Variants in SLC35F4 observed in about 807,000 individuals in gnomAD.
The protein encoded by SLC35F4 is solute carrier family 35 member F4.
SLC35F4 carries 24 observed loss-of-function variants against 44.2 expected under a neutral mutation model. The ratio of observed to expected loss-of-function variants is 0.54; its 90% CI spans 0.39 to 0.76. SLC35F4 has a LOEUF of 0.76. Ranked by LOEUF, SLC35F4 falls within the 30% of genes least tolerant of loss-of-function variation. The pLI is 0.00. For synonymous variants in SLC35F4, 238 were observed against 223.6 expected, an observed-to-expected ratio of 1.06 and a Z score of -0.57; for missense variants, 562 against 586.1, an observed-to-expected ratio of 0.96 and a Z score of 0.42.
chr14:57,616,765 G>A (rs1253106660), intron 1 of SLC35F4, among the ~76,000 whole-genome samples: 1 of 151,914 alleles, frequency 6.6e-6, no homozygotes, highest in Non-Finnish European at 1.5e-5. Flanking sequence ...TAGTTTGAGG[G>A]GTCCCTTACC....
intron 1 of SLC35F4, among the ~76,000 whole-genome samples, chr14:57,951,889 G>T (rs188482517): frequency 6.6e-6 from 1 of 152,200 alleles, no homozygotes; most frequent in African/African-American, 2.4e-5. Flanking sequence ...CTGCCTGCCA[G>T]CTCTGAAGAG....
At chr14:57,921,333 G>A (rs556181872) in intron 1 of SLC35F4, among the ~76,000 whole-genome samples, 11 of 152,304 alleles carry the variant, frequency 7.2e-5, no homozygotes, top group East Asian at 1.9e-4. Flanking sequence ...AGTCATTCTC[G>A]TGACAGGCAA....
intron 1 of SLC35F4, among the ~76,000 whole-genome samples, chr14:57,855,431 T>C (rs182837587): frequency 1.3e-5 from 2 of 152,138 alleles, no homozygotes; most frequent in East Asian, 3.9e-4. Flanking sequence ...AAGAAACATA[T>C]GAAAAAATGC....
rs536143618 is a variant in SLC35F4, at chr14:57,967,226, A to G, written n.282+14687T>C. 5.0e-3 allele frequency among the ~76,000 whole-genome samples: 757 copies of G among 152,172 alleles called. 3 individuals are homozygous for G. Among genetic ancestry groups the G allele is most frequent in the African/African-American group, 0.017 (722 of 41,444 alleles). ...TCTTTGAAAGAAGACAATTTTAAGG[A>G]AATTTTTAATTGTGTAAGTATAAAT... is the stretch of plus-strand genomic sequence containing the variant. On this transcript the variant is annotated intron_variant and non_coding_transcript_variant, in intron 1 of 1. Coordinates refer to the SLC35F4 transcript ENST00000556568.
intron 1 of SLC35F4, among the ~76,000 whole-genome samples, chr14:57,688,594 C>T (rs971311988): frequency 3.9e-5 from 6 of 152,120 alleles, no homozygotes; most frequent in African/African-American, 7.2e-5. Context: ...GAACAATGAT[C>T]GCATCTCCAC....
At chr14:57,855,443 C>T (rs994856223) in intron 1 of SLC35F4, among the ~76,000 whole-genome samples, 6 of 152,310 alleles carry the variant, frequency 3.9e-5, no homozygotes, top group African/African-American at 1.4e-4. Context: ...AAAAAATGCT[C>T]ACCATCACTG....
At chr14:57,886,180 A>G (rs1471732341) in intron 1 of SLC35F4, among the ~76,000 whole-genome samples, 1 of 152,168 alleles carries the variant, frequency 6.6e-6, no homozygotes, top group Non-Finnish European at 1.5e-5. Flanking sequence ...TTCATTATCT[A>G]TTGCTGCATA....
intron 1 of SLC35F4, among the ~76,000 whole-genome samples, chr14:57,819,986 T>G (rs1882998513): frequency 6.6e-6 from 1 of 151,986 alleles, no homozygotes; most frequent in South Asian, 2.1e-4. Flanking sequence ...ACCCAATACA[T>G]GAGAGGGGTG....
intron 1 of SLC35F4, among the ~76,000 whole-genome samples, chr14:57,712,210 G>A (rs900665293): frequency 4.6e-5 from 7 of 152,122 alleles, no homozygotes; most frequent in Non-Finnish European, 7.3e-5. Flanking sequence ...CCACCTTCTC[G>A]GGCTGTGTTC....
At chr14:57,642,300 A>G (rs2073284911) in intron 1 of SLC35F4, among the ~76,000 whole-genome samples, 2 of 147,038 alleles carry the variant, frequency 1.4e-5, no homozygotes, top group South Asian at 4.2e-4. Context: ...AGCTAGTGAG[A>G]AAAAAAAAAT....
At chr14:57,814,206 T>C (rs1292112681) in intron 1 of SLC35F4, among the ~76,000 whole-genome samples, 1 of 152,242 alleles carries the variant, frequency 6.6e-6, no homozygotes, top group Admixed American at 6.5e-5. Flanking sequence ...CCTTTTCACA[T>C]AGTAGGCCAT....
intron 1 of SLC35F4, among the ~76,000 whole-genome samples, chr14:57,889,783 C>T (rs116241131): frequency 1.2e-3 from 188 of 152,222 alleles, no homozygotes; most frequent in African/African-American, 4.3e-3. Context: ...GGACTACATC[C>T]TATTCTATGG....
At chr14:57,865,582 G>A (rs1346074434) in intron 1 of SLC35F4, 141 bp downstream of exon 1, 7 of 634,616 alleles carry the variant, frequency 1.1e-5, no homozygotes, top group Non-Finnish European at 1.5e-5. Flanking sequence ...GGGGGTCCCC[G>A]CCGCCAGGAA....
intron 4 of SLC35F4, among the ~76,000 whole-genome samples, chr14:57,574,180 C>G (rs2068660131): frequency 6.6e-6 from 1 of 152,070 alleles, no homozygotes; most frequent in Non-Finnish European, 1.5e-5. Context: ...GAGTTAGCTA[C>G]TAGTAAAAAT....
chr14:57,774,603 ATAGTCTGCTGGCCTTTCTCAG>A, intron 1 of SLC35F4, among the ~76,000 whole-genome samples: 1 of 152,154 alleles, frequency 6.6e-6, no homozygotes, highest in East Asian at 1.9e-4. Context: ...TGAGAACCCC[ATAGTCTGCTGGCCTTTCTCAG>A]GGCCTCCAGC....
At chr14:57,688,277 C>T (rs1015423965) in intron 1 of SLC35F4, among the ~76,000 whole-genome samples, 4 of 152,044 alleles carry the variant, frequency 2.6e-5, no homozygotes, top group Non-Finnish European at 4.4e-5. Flanking sequence ...CTGACTACTA[C>T]GTACAGACAT....
intron 1 of SLC35F4, among the ~76,000 whole-genome samples, chr14:57,899,493 CT>C (rs1422713798): frequency 6.6e-6 from 1 of 151,956 alleles, no homozygotes. Context: ...ATGTGAAACT[CT>C]TTGAGAACCA....
chr14:57,625,462 G>A (rs2662685), intron 1 of SLC35F4, among the ~76,000 whole-genome samples: 106,255 of 152,018 alleles, frequency 0.7, 37,911 homozygotes, highest in Middle Eastern at 0.79. Flanking sequence ...TTTATATTTC[G>A]TATGGAATCA....
At chr14:57,932,182 G>C (rs1889710317) in intron 1 of SLC35F4, among the ~76,000 whole-genome samples, 1 of 152,166 alleles carries the variant, frequency 6.6e-6, no homozygotes, top group African/African-American at 2.4e-5. Flanking sequence ...GTTTAGTGAG[G>C]TTATTTGGAG....
Sources: gnomAD v4.1 joint callset for allele counts (sites outside exome capture counted in the v4.1 genomes callset) on GRCh38, gnomAD v4.1.1 for gene constraint, MANE v1.5 for transcripts, NCBI Gene and HGNC (gene_info 2026-07-23, HGNC 2026-07-21) for gene names.